ANKRD30A: variants seen among roughly 807,000 people sequenced by gnomAD.
ANKRD30A encodes the protein ankyrin repeat domain-containing protein 30A.
A neutral mutation model predicts 166.3 loss-of-function variants in ANKRD30A; 170 were observed. That is an observed-to-expected ratio of 1.02 (90% CI 0.90 to 1.16). ANKRD30A has a LOEUF of 1.16. ANKRD30A is among the 50% of genes most tolerant of loss of function. The pLI is 0.00. For missense variants in ANKRD30A, 1,630 were observed against 1,518.0 expected, an observed-to-expected ratio of 1.07 and a Z score of -1.23; for synonymous variants, 564 against 508.9, an observed-to-expected ratio of 1.11 and a Z score of -1.46.
intron 9 of ANKRD30A, among the ~76,000 whole-genome samples, chr10:37,147,816 A>T (rs1330630545): frequency 6.8e-6 from 1 of 146,998 alleles, no homozygotes; most frequent in Non-Finnish European, 1.5e-5. Flanking sequence ...TGGCAAAATA[A>T]AATATTTTTT....
chr10:37,202,369 A>T (rs538580341), intron 31 of ANKRD30A, among the ~76,000 whole-genome samples: 1 of 152,090 alleles, frequency 6.6e-6, no homozygotes, highest in Non-Finnish European at 1.5e-5. Context: ...AAACTGAACA[A>T]CCTCCTCCAG....
chr10:37,147,222 A>G (rs1446816739), intron 8 of ANKRD30A, 148 bp from the exon 9 acceptor site: 7 of 604,006 alleles, frequency 1.2e-5, no homozygotes, highest in East Asian at 9.3e-5. Context: ...GAGGGTTTCT[A>G]TCAAAATGTC....
At chr10:37,167,263 T>A (rs1311870527) in intron 19 of ANKRD30A, among the ~76,000 whole-genome samples, 5 of 141,208 alleles carry the variant, frequency 3.5e-5, no homozygotes, top group African/African-American at 1.4e-4. Flanking sequence ...ACTCATTAAT[T>A]TTCTTTATTA....
chr10:37,144,346 G>A (rs993135176), intron 7 of ANKRD30A, among the ~76,000 whole-genome samples: 2 of 152,056 alleles, frequency 1.3e-5, no homozygotes, highest in Admixed American at 6.6e-5. Flanking sequence ...GTTTCTCCAA[G>A]GAGGCACAAG....
intron 34 of ANKRD30A, among the ~76,000 whole-genome samples, chr10:37,226,662 A>G (rs192942336): frequency 5.9e-4 from 89 of 151,978 alleles, no homozygotes; most frequent in Non-Finnish European, 9.7e-4. Context: ...ACTTTTAGGT[A>G]TAAGTTTTTG....
chr10:37,144,156 T>C (rs1206495339), intron 7 of ANKRD30A, among the ~76,000 whole-genome samples: 1 of 152,226 alleles, frequency 6.6e-6, no homozygotes. Context: ...AGGGGCTGTG[T>C]CTAACTAGGA....
the ANKRD30A span, among the ~76,000 whole-genome samples, chr10:37,265,492 A>G: frequency 6.6e-6 from 1 of 152,160 alleles, no homozygotes; most frequent in East Asian, 1.9e-4. Context: ...AAAAGCTGTG[A>G]TGCACACAGC....
chr10:37,264,143 C>T, the ANKRD30A span, among the ~76,000 whole-genome samples: 1 of 152,038 alleles, frequency 6.6e-6, no homozygotes. Context: ...TCAATAAAAA[C>T]ATATTATTGA....
intron 1 of ANKRD30A, among the ~76,000 whole-genome samples, chr10:37,127,025 T>C (rs1158968586): frequency 6.9e-5 from 7 of 100,766 alleles, no homozygotes; most frequent in African/African-American, 2.8e-4. Context: ...TCAGCCTAGG[T>C]GATAGAGTGA....
intron 31 of ANKRD30A, among the ~76,000 whole-genome samples, chr10:37,205,378 C>T (rs562413433): frequency 1.1e-3 from 166 of 149,910 alleles, no homozygotes; most frequent in Non-Finnish European, 1.7e-3. Context: ...ATGTTCTCAC[C>T]CATAGGTGGG....
chr10:37,248,255 T>C, the ANKRD30A span: 1 of 588,400 alleles, frequency 1.7e-6, no homozygotes, highest in South Asian at 1.4e-5. Flanking sequence ...ATAAGGTTGA[T>C]CTCAGAATTG....
At chr10:37,127,463 G>GA (rs1207000232) in intron 1 of ANKRD30A, among the ~76,000 whole-genome samples, 1 of 151,996 alleles carries the variant, frequency 6.6e-6, no homozygotes, top group African/African-American at 2.4e-5. Flanking sequence ...CTGCATATGA[G>GA]AAAAAATAAA....
At chr10:37,192,180 G>T (rs995244315) in intron 25 of ANKRD30A, among the ~76,000 whole-genome samples, 2 of 151,942 alleles carry the variant, frequency 1.3e-5, no homozygotes, top group African/African-American at 2.4e-5. Context: ...GAGATTACAG[G>T]CCTGTGCCAC....
rs71007622 is a variant in ANKRD30A, at chr10:37,127,046, C to CAA, written c.221+1076_221+1077dup. 6.7e-4 allele frequency among the ~76,000 whole-genome samples: 11 copies of CAA among 16,502 alleles called. 4 individuals are homozygous for CAA. The highest frequency in any genetic ancestry group is 2.7e-3 in the Admixed American group (2 of 754). 10.8% of individuals were successfully genotyped at this position (16,502 alleles called of 152,430 possible). Reference sequence around the variant, plus strand: ...TAGGTGATAGAGTGAAACTCTGTCTCAAAAAAAAAAAAAAAAAAAAAAAAA... The same window carrying CAA: ...TAGGTGATAGAGTGAAACTCTGTCTCAAAAAAAAAAAAAAAAAAAAAAAAAAA... On this transcript the variant is annotated intron_variant, in intron 1 of 35. Transcript: ENST00000361713.
chr10:37,245,053 A>G, the ANKRD30A span, among the ~76,000 whole-genome samples: 95,889 of 152,102 alleles, frequency 0.63, 30,380 homozygotes, highest in East Asian at 0.78. Flanking sequence ...CATTGAGTTA[A>G]TAATTTGGGC....
At chr10:37,232,687 TATATATAAATAG>T (rs1194327421), downstream of ANKRD30A, 1 of 5,026 alleles carries the variant, frequency 2.0e-4, no homozygotes, top group Non-Finnish European at 9.7e-4. Context: ...TATATATATA[TATATATAAATAG>T]AGAGAGAGAG....
rs1206071463 is a variant in ANKRD30A at position 37,216,317 on chromosome 10, A to G, written c.3006A>G (p.Lys1002=). Residue 1002 remains lysine (K), a synonymous_variant, in exon 32 of 36, where the codon AAA becomes AAG. Coordinates refer to ENST00000361713, the MANE Select transcript of ANKRD30A (RefSeq NM_052997.3). ...AGAAGTTTTGTGTACTGAAAAAGAA[A>G]CTGTCAGAAGCAAAAGAAATAAAAT... ...MKKKFCVLKK[K]LSEAKEIKSQ... The G allele has an allele frequency of 1.2e-6, 2 of 1,608,992 alleles. No homozygotes were observed. The highest frequency in any genetic ancestry group is 2.2e-5 in the South Asian group (2 of 90,888).
chr10:37,221,734 G>A (rs973067539), intron 34 of ANKRD30A, among the ~76,000 whole-genome samples: 3 of 151,222 alleles, frequency 2.0e-5, no homozygotes, highest in African/African-American at 4.8e-5. Flanking sequence ...TAGCCCACAG[G>A]TTGGGAGACT....
At position 37,210,668 on chromosome 10, in the gene ANKRD30A, G is replaced by A. The variant is rs374829161; in HGVS notation, c.2870-5513G>A. ...TTTAATGATTGCCATTCTAACTGGCGTGAGATGATATCTTATTGTGGTTTT... is the reference window on the plus strand; with the variant it reads ...TTTAATGATTGCCATTCTAACTGGCATGAGATGATATCTTATTGTGGTTTT... On this transcript the variant is annotated intron_variant, in intron 31 of 35. Coordinates refer to ENST00000361713, the MANE Select transcript of ANKRD30A (RefSeq NM_052997.3). Among the ~76,000 whole-genome samples the A allele has an allele frequency of 1.9e-4, 29 of 152,220 alleles. 1 individual carries two copies. The highest frequency in any genetic ancestry group is 5.3e-4 in the African/African-American group (22 of 41,548).
Sources: allele counts gnomAD v4.1 joint callset (sites outside exome capture counted in the v4.1 genomes callset), GRCh38; gene constraint gnomAD v4.1.1; transcripts MANE v1.5; gene names NCBI Gene and HGNC (gene_info 2026-07-23, HGNC 2026-07-21).